ZFPM2: variants seen among roughly 807,000 people sequenced by gnomAD.
ZFPM2 encodes the protein zinc finger protein ZFPM2.
Under a neutral mutation model 98.6 loss-of-function variants are expected in ZFPM2, and 20 were observed. That is an observed-to-expected ratio of 0.20 (90% confidence interval 0.14 to 0.29). The LOEUF (loss-of-function observed/expected upper bound fraction) is 0.29, where lower values mean the gene tolerates loss of function less well. Ranked by LOEUF, ZFPM2 falls within the 10% of genes least tolerant of loss-of-function variation. ZFPM2 has a pLI of 1.00. For synonymous variants in ZFPM2, 518 were observed against 502.7 expected, an observed-to-expected ratio of 1.03 and a Z score of -0.41; for missense variants, 1,310 against 1,388.6, an observed-to-expected ratio of 0.94 and a Z score of 0.90.
intron 2 of ZFPM2, among the ~76,000 whole-genome samples, chr8:105,440,405 CA>C (rs1489216150): frequency 6.6e-6 from 1 of 151,458 alleles, no homozygotes; most frequent in Non-Finnish European, 1.5e-5. Context: ...AAAAGTGAGT[CA>C]ATTTAAATAA....
intron 1 of ZFPM2, among the ~76,000 whole-genome samples, chr8:105,350,682 T>A (rs1812623660): frequency 6.6e-6 from 1 of 152,148 alleles, no homozygotes. Context: ...TAATGGATAT[T>A]TTAGCATATT....
At chr8:105,455,799 T>C (rs573693886) in intron 3 of ZFPM2, among the ~76,000 whole-genome samples, 30 of 152,176 alleles carry the variant, frequency 2.0e-4, no homozygotes, top group African/African-American at 7.0e-4. Context: ...GTTTATGGAG[T>C]AAGATGATGA....
At chr8:105,419,340 T>C in intron 2 of ZFPM2, 38 bp downstream of exon 2, 1 of 1,588,546 alleles carries the variant, frequency 6.3e-7, no homozygotes, top group Non-Finnish European at 8.5e-7. Context: ...GTGAGTCCAC[T>C]TAAATGATTT....
chr8:105,776,812 G>A (rs1015628899), intron 5 of ZFPM2, among the ~76,000 whole-genome samples: 22 of 152,084 alleles, frequency 1.4e-4, no homozygotes, highest in African/African-American at 5.3e-4. Flanking sequence ...TGGAAGCCAG[G>A]TTTCATACCC....
intron 5 of ZFPM2, among the ~76,000 whole-genome samples, chr8:105,738,544 G>T (rs1732836179): frequency 6.6e-6 from 1 of 151,998 alleles, no homozygotes; most frequent in Non-Finnish European, 1.5e-5. Flanking sequence ...CCCAGTAATG[G>T]GATTGCTGAG....
chr8:105,615,085 A>G (rs1586151254), intron 4 of ZFPM2, among the ~76,000 whole-genome samples: 2 of 151,946 alleles, frequency 1.3e-5, no homozygotes, highest in South Asian at 2.1e-4. Flanking sequence ...CCTTATCAAT[A>G]TTTGCAAAGT....
At chr8:105,700,305 A>G (rs1376329994) in intron 5 of ZFPM2, among the ~76,000 whole-genome samples, 4 of 152,202 alleles carry the variant, frequency 2.6e-5, no homozygotes, top group Admixed American at 6.5e-5. Flanking sequence ...AATTTTCAGA[A>G]TTAATCAGGT....
chr8:105,546,526 A>G (rs1240171683), intron 3 of ZFPM2, among the ~76,000 whole-genome samples: 2 of 149,994 alleles, frequency 1.3e-5, no homozygotes, highest in Admixed American at 6.7e-5. Context: ...CCAAGACAGC[A>G]CCATTGCACT....
chr8:105,494,183 G>GTATGTATA (rs1554611134), intron 3 of ZFPM2, among the ~76,000 whole-genome samples: 1 of 59,978 alleles, frequency 1.7e-5, no homozygotes, highest in African/African-American at 5.1e-5. Flanking sequence ...GCCACCAAAA[G>GTATGTATA]TATATATATA....
chr8:105,706,161 C>T (rs1460928567), intron 5 of ZFPM2, among the ~76,000 whole-genome samples: 1 of 151,818 alleles, frequency 6.6e-6, no homozygotes, highest in African/African-American at 2.4e-5. Context: ...AGAGCCAAAA[C>T]CAAGTTGCTT....
chr8:105,670,320 C>G (rs2130902857), intron 5 of ZFPM2, among the ~76,000 whole-genome samples: 1 of 151,968 alleles, frequency 6.6e-6, no homozygotes, highest in East Asian at 2.0e-4. Context: ...CACGGTGAAA[C>G]CCCATCTCTA....
At chr8:105,457,974 T>G (rs1812623967) in intron 3 of ZFPM2, among the ~76,000 whole-genome samples, 2 of 152,220 alleles carry the variant, frequency 1.3e-5, no homozygotes, top group Non-Finnish European at 2.9e-5. Flanking sequence ...TAAAAGGGTT[T>G]GGTAAAAGAT....
chr8:105,729,923 G>T (rs761489178), intron 5 of ZFPM2, among the ~76,000 whole-genome samples: 1 of 150,466 alleles, frequency 6.6e-6, no homozygotes, highest in Non-Finnish European at 1.5e-5. Context: ...AATATATAAT[G>T]TGCATAATAT....
intron 4 of ZFPM2, among the ~76,000 whole-genome samples, chr8:105,582,390 G>A (rs1815620518): frequency 6.6e-6 from 1 of 152,154 alleles, no homozygotes; most frequent in Admixed American, 6.5e-5. Flanking sequence ...TTGGCAAAGT[G>A]AGTGTGAGGG....
At chr8:105,709,325 T>C (rs148734077) in intron 5 of ZFPM2, among the ~76,000 whole-genome samples, 134 of 152,342 alleles carry the variant, frequency 8.8e-4, no homozygotes, top group African/African-American at 3.0e-3. Context: ...TGTCCAGTTT[T>C]ATTATAGTCT....
chr8:105,396,975 T>A, intron 1 of ZFPM2, among the ~76,000 whole-genome samples: 1 of 152,222 alleles, frequency 6.6e-6, no homozygotes, highest in Non-Finnish European at 1.5e-5. Flanking sequence ...CATGTAAATG[T>A]TGGTGTTAAT....
At chr8:105,568,406 A>G (rs917891530) in intron 4 of ZFPM2, among the ~76,000 whole-genome samples, 19 of 151,312 alleles carry the variant, frequency 1.3e-4, no homozygotes, top group Non-Finnish European at 2.1e-4. Context: ...CTGCATTTCT[A>G]CCTCTCCTTC....
intron 4 of ZFPM2, among the ~76,000 whole-genome samples, chr8:105,622,091 A>G (rs1313527382): frequency 6.6e-6 from 1 of 152,024 alleles, no homozygotes; most frequent in Non-Finnish European, 1.5e-5. Context: ...ATATAAGGTT[A>G]TATTATTTAT....
intron 1 of ZFPM2, among the ~76,000 whole-genome samples, chr8:105,362,452 C>G (rs1810423861): frequency 6.6e-6 from 1 of 151,386 alleles, no homozygotes; most frequent in African/African-American, 2.5e-5. Context: ...AGGGTTATTA[C>G]TATTAGTGAT....
Sources: allele counts gnomAD v4.1 joint callset (sites outside exome capture counted in the v4.1 genomes callset), GRCh38; gene constraint gnomAD v4.1.1; transcripts MANE v1.5; gene names NCBI Gene and HGNC (gene_info 2026-07-23, HGNC 2026-07-21).